ST7L: variants seen among roughly 807,000 people sequenced by gnomAD.
ST7L encodes the protein suppressor of tumorigenicity 7 protein-like.
Under a neutral mutation model 72.5 loss-of-function variants are expected in ST7L, and 57 were observed. The observed-to-expected ratio is 0.79, with a 90% CI of 0.64 to 0.98. The LOEUF is 0.98. ST7L is among the 50% of genes least tolerant of loss of function. The probability of loss-of-function intolerance (pLI) is 0.00; values close to 1 mark genes in which losing one functional copy is unlikely to be tolerated. For synonymous variants in ST7L, 221 were observed against 240.9 expected, an observed-to-expected ratio of 0.92 and a Z score of 0.77; for missense variants, 576 against 672.2, an observed-to-expected ratio of 0.86 and a Z score of 1.58.
chr1:112,547,640 G>A (rs549004633), intron 13 of ST7L, among the ~76,000 whole-genome samples: 1 of 125,510 alleles, frequency 8.0e-6, no homozygotes, highest in African/African-American at 3.1e-5. Flanking sequence ...TCAGCTCACT[G>A]CAACCTCCGC....
chr1:112,521,544 TG>T (rs1652882708), downstream of ST7L: 1 of 152,454 alleles, frequency 6.6e-6, no homozygotes, highest in Admixed American at 6.5e-5. Flanking sequence ...CCTTTGAAGC[TG>T]GGAGCAGGAG....
chr1:112,518,487 G>A, the ST7L span: 1 of 152,194 alleles, frequency 6.6e-6, no homozygotes, highest in Non-Finnish European at 1.5e-5. Context: ...AATTAATGAA[G>A]AAAGTAGTCT....
At chr1:112,547,844 G>A (rs61820530) in intron 13 of ST7L, among the ~76,000 whole-genome samples, 3,060 of 151,970 alleles carry the variant, frequency 0.02, 106 homozygotes, top group African/African-American at 0.069. Context: ...GATTACAAAC[G>A]TGAGCCATCG....
chr1:112,562,766 T>C (rs1660384700), intron 11 of ST7L, among the ~76,000 whole-genome samples: 1 of 152,146 alleles, frequency 6.6e-6, no homozygotes, highest in African/African-American at 2.4e-5. Context: ...CCTTATCCTG[T>C]AGGCAATCGG....
At chr1:112,526,289 C>A in intron 14 of ST7L, 178 bp from the exon 15 acceptor site, 1 of 641,974 alleles carries the variant, frequency 1.6e-6, no homozygotes, top group Non-Finnish European at 2.5e-6. Flanking sequence ...GACCACTATA[C>A]AACATATTCC....
chr1:112,611,255 A>T (rs998394952), intron 2 of ST7L, among the ~76,000 whole-genome samples: 5 of 152,236 alleles, frequency 3.3e-5, no homozygotes, highest in Admixed American at 2.0e-4. Context: ...AAGCATTAAA[A>T]ACAGAAAGAA....
intron 14 of ST7L, among the ~76,000 whole-genome samples, chr1:112,532,958 A>G (rs1654613379): frequency 6.6e-6 from 1 of 152,170 alleles, no homozygotes. Context: ...ATAGGTTATG[A>G]TATTTTAGAC....
intron 11 of ST7L, among the ~76,000 whole-genome samples, chr1:112,573,928 T>TC (rs1182085070): frequency 6.9e-6 from 1 of 144,060 alleles, no homozygotes; most frequent in Non-Finnish European, 1.5e-5. Flanking sequence ...TTTTTTTTTT[T>TC]TTTTGAGACG....
chr1:112,570,217 C>T (rs1178177578), intron 11 of ST7L, among the ~76,000 whole-genome samples: 1 of 151,888 alleles, frequency 6.6e-6, no homozygotes, highest in Non-Finnish European at 1.5e-5. Flanking sequence ...TGAACACATG[C>T]TGTTCTATTT....
chr1:112,566,293 TC>T (rs1385643413), intron 11 of ST7L, among the ~76,000 whole-genome samples: 4,262 of 121,776 alleles, frequency 0.035, 231 homozygotes, highest in African/African-American at 0.11. Flanking sequence ...TTTTTCTTCT[TC>T]TTCTTTTTTT....
chr1:112,619,680 G>T, upstream of ST7L: 5 of 600,090 alleles, frequency 8.3e-6, no homozygotes, highest in Non-Finnish European at 1.5e-5. Context: ...GCGGGCGCGG[G>T]CGCTGGCGTT....
At chr1:112,577,700 A>G (rs914609625) in intron 10 of ST7L, among the ~76,000 whole-genome samples, 3 of 152,188 alleles carry the variant, frequency 2.0e-5, no homozygotes, top group Non-Finnish European at 4.4e-5. Flanking sequence ...CAACACAGTG[A>G]TATCCAGAGA....
downstream of ST7L, chr1:112,521,661 C>T (rs538531778): frequency 3.6e-4 from 55 of 152,302 alleles, no homozygotes; most frequent in African/African-American, 1.2e-3. Context: ...TTTAGTGACT[C>T]TCCAAGTCCT....
rs1653197107 is a variant in ST7L, at chr1:112,525,099, T to A, written c.*914A>T. ...TGTATAAGTTCGCAAGGCTGGTTCA[T>A]GCCAGAGATAGTGAGATGTGCACCC... On this transcript the variant is annotated 3_prime_UTR_variant, in exon 15 of 15. Transcript: ENST00000358039. The A allele has an allele frequency of 1.3e-5, 2 of 152,366 alleles. No homozygotes were observed. The highest frequency in any genetic ancestry group is 4.8e-5 in the African/African-American group (2 of 41,560). The allele number at this position is 152,366 out of a possible 1,614,324, so 9.4% of individuals were successfully genotyped here.
At position 112,555,920 on chromosome 1, in the gene ST7L, G is replaced by A. The variant is rs1659038141; in HGVS notation, c.1344C>T (p.His448=). Reference sequence around the variant, plus strand: ...TAAGAGCACCTTCTATTCGTTTCCAGTGCTGAAGATGAAAGAAAGCATAGG... The same window carrying A: ...TAAGAGCACCTTCTATTCGTTTCCAATGCTGAAGATGAAAGAAAGCATAGG... ...AIAYAFFHLQ[H]WKRIEGALNL... is the part of the protein sequence containing the mutation. The change falls in exon 12 of 15, where the codon CAC becomes CAT. Residue 448 remains histidine, a synonymous_variant. Coordinates refer to ENST00000358039, the MANE Select transcript of ST7L (RefSeq NM_017744.5). 1 of 1,612,294 alleles carries A rather than the reference G, an allele frequency of 6.2e-7. No homozygotes were observed. Among genetic ancestry groups the A allele is most frequent in the African/African-American group, 1.3e-5 (1 of 75,014 alleles).
chr1:112,559,467 C>T (rs1483668324), intron 11 of ST7L, among the ~76,000 whole-genome samples: 1 of 151,512 alleles, frequency 6.6e-6, no homozygotes, highest in Non-Finnish European at 1.5e-5. Context: ...CTCCTGACCT[C>T]GTGATCCACC....
chr1:112,543,381 C>T (rs1208870009), intron 13 of ST7L, among the ~76,000 whole-genome samples: 3 of 152,078 alleles, frequency 2.0e-5, no homozygotes, highest in Admixed American at 6.5e-5. Context: ...AACCCCGTCT[C>T]TACTAAAAAT....
chr1:112,540,926 G>T, intron 14 of ST7L: 1 of 1,063,122 alleles, frequency 9.4e-7, no homozygotes, highest in Non-Finnish European at 1.3e-6. Flanking sequence ...AAGGCTTGGA[G>T]ACTTAAAGGC....
chr1:112,579,380 TAA>T (rs34252016), intron 9 of ST7L, among the ~76,000 whole-genome samples: 1,396 of 96,818 alleles, frequency 0.014, 8 homozygotes, highest in African/African-American at 0.03. Flanking sequence ...CGAGACTCTG[TAA>T]AAAAAAAAAA....
Sources: allele counts gnomAD v4.1 joint callset (sites outside exome capture counted in the v4.1 genomes callset), GRCh38; gene constraint gnomAD v4.1.1; transcripts MANE v1.5; gene names NCBI Gene and HGNC (gene_info 2026-07-23, HGNC 2026-07-21).